PRR5: variants seen among roughly 807,000 people sequenced by gnomAD.
PRR5 encodes proline rich 5, also known as proline-rich protein 5.
Under a neutral mutation model 30.6 loss-of-function variants are expected in PRR5, and 25 were observed. The ratio of observed to expected loss-of-function variants is 0.82; its 90% CI spans 0.60 to 1.14. The LOEUF (loss-of-function observed/expected upper bound fraction) is 1.14, where lower values mean the gene tolerates loss of function less well. PRR5 is among the 50% of genes most tolerant of loss of function. PRR5 has a pLI of 0.00. For missense variants in PRR5, 600 were observed against 547.1 expected (o/e 1.10, Z -0.96); for synonymous variants, 286 against 247.1 (o/e 1.16, Z -1.48).
In PRR5 at chr22:44,732,265, G is replaced by A. The variant is rs137965452; in HGVS notation, c.429G>A (p.Ser143=). The change falls in exon 6 of 8, where the codon TCG becomes TCA. Residue 143 remains serine, a synonymous_variant. Transcript: ENST00000336985. ...IFYPVQGKEP[S]VRQLALLHFR... ...TCCGTCCACAGGGCAAGGAGCCATC[G>A]GTGCGCCAGCTGGCCCTGCTGCACT... The A allele has an allele frequency of 7.8e-4, 1,263 of 1,611,596 alleles. 2 individuals are homozygous for A. The highest frequency in any genetic ancestry group is 8.8e-4 in the Non-Finnish European group (1,033 of 1,179,894).
intron 4 of PRR5, chr22:44,729,760 G>A: frequency 1.0e-6 from 1 of 985,488 alleles, no homozygotes; most frequent in Non-Finnish European, 1.2e-6. Context: ...CTGGGGCCTG[G>A]ATTCTGTTTT....
At chr22:44,695,923 CTTTTTTT>C (rs79228617) in intron 1 of PRR5, among the ~76,000 whole-genome samples, 10 of 73,344 alleles carry the variant, frequency 1.4e-4, no homozygotes, top group Non-Finnish European at 1.9e-4. Flanking sequence ...ATTCTGACAA[CTTTTTTT>C]TTTTTTTTTT....
chr22:44,683,969 T>C (rs1294921624), intron 1 of PRR5, among the ~76,000 whole-genome samples: 1 of 152,246 alleles, frequency 6.6e-6, no homozygotes, highest in Non-Finnish European at 1.5e-5. Flanking sequence ...GCTGGGCCCC[T>C]CGCAGGGGTT....
intron 2 of PRR5, among the ~76,000 whole-genome samples, chr22:44,719,344 A>G (rs1929585111): frequency 1.3e-5 from 2 of 152,044 alleles, no homozygotes; most frequent in Admixed American, 1.3e-4. Flanking sequence ...CAGTGTTGGG[A>G]TTATAGGCGT....
chr22:44,690,763 C>G (rs1925169239), intron 1 of PRR5, among the ~76,000 whole-genome samples: 1 of 152,146 alleles, frequency 6.6e-6, no homozygotes, highest in African/African-American at 2.4e-5. Flanking sequence ...GGATGAGGAG[C>G]AGGGCACCCC....
intron 1 of PRR5, among the ~76,000 whole-genome samples, chr22:44,669,074 C>T (rs1390672755): frequency 6.7e-6 from 1 of 149,940 alleles, no homozygotes; most frequent in African/African-American, 2.4e-5. Context: ...CTCCCGGGAC[C>T]TCCCGAGCTC....
At chr22:44,734,895 C>A in intron 6 of PRR5, 132 bp from the exon 7 acceptor site, 2 of 1,303,820 alleles carry the variant, frequency 1.5e-6, no homozygotes, top group Admixed American at 2.0e-5. Context: ...GCCATGGGGA[C>A]AGAGAGCCTG....
At chr22:44,701,040 G>T (rs750999188), upstream of PRR5, among the ~76,000 whole-genome samples, 1 of 148,196 alleles carries the variant, frequency 6.7e-6, no homozygotes, top group Admixed American at 6.9e-5. Flanking sequence ...GCACCACCAC[G>T]CCCAGCTAAT....
intron 1 of PRR5, among the ~76,000 whole-genome samples, chr22:44,710,653 C>G (rs1430591948): frequency 6.6e-6 from 1 of 152,168 alleles, no homozygotes; most frequent in East Asian, 1.9e-4. Context: ...TACCAAACAC[C>G]CTTAGCCTAC....
At chr22:44,724,723 C>T (rs995954414) in intron 2 of PRR5, among the ~76,000 whole-genome samples, 1 of 152,168 alleles carries the variant, frequency 6.6e-6, no homozygotes, top group African/African-American at 2.4e-5. Flanking sequence ...TTGACCTCTG[C>T]GAGCCTCTCT....
At chr22:44,704,221 G>A (rs1601998746) in intron 1 of PRR5, among the ~76,000 whole-genome samples, 2 of 152,178 alleles carry the variant, frequency 1.3e-5, no homozygotes, top group Admixed American at 1.3e-4. Context: ...GGGTGTCCCT[G>A]TAGGGATGGC....
chr22:44,701,786 A>G (rs1447701862), upstream of PRR5, among the ~76,000 whole-genome samples: 1 of 152,066 alleles, frequency 6.6e-6, no homozygotes, highest in Non-Finnish European at 1.5e-5. Context: ...TCCTCATGAG[A>G]ACTGGGTGGG....
At chr22:44,680,702 T>C (rs1924196308) in intron 1 of PRR5, among the ~76,000 whole-genome samples, 1 of 151,394 alleles carries the variant, frequency 6.6e-6, no homozygotes, top group African/African-American at 2.4e-5. Flanking sequence ...GTTGGGAGAG[T>C]AGGGGACGGA....
chr22:44,684,518 G>A (rs556003066), intron 1 of PRR5, among the ~76,000 whole-genome samples: 2 of 152,360 alleles, frequency 1.3e-5, no homozygotes, highest in Admixed American at 6.5e-5. Flanking sequence ...TTGTACTCCA[G>A]CCTGGGCAAC....
At chr22:44,723,929 T>C (rs1328821798) in intron 2 of PRR5, among the ~76,000 whole-genome samples, 1 of 152,214 alleles carries the variant, frequency 6.6e-6, no homozygotes, top group East Asian at 1.9e-4. Flanking sequence ...TGTCTGTGCA[T>C]GAACTGCTGA....
intron 2 of PRR5, among the ~76,000 whole-genome samples, chr22:44,716,699 A>G (rs1438049864): frequency 1.3e-5 from 2 of 152,206 alleles, no homozygotes; most frequent in African/African-American, 2.4e-5. Context: ...AGCCCCTGAC[A>G]TCAGGGCCAC....
At chr22:44,733,726 C>T (rs948840419) in intron 6 of PRR5, among the ~76,000 whole-genome samples, 6 of 152,156 alleles carry the variant, frequency 3.9e-5, no homozygotes, top group Admixed American at 3.3e-4. Context: ...TCCAGGGACA[C>T]GTGGGGTCCC....
intron 7 of PRR5, among the ~76,000 whole-genome samples, chr22:44,735,701 G>A (rs1203278168): frequency 6.6e-5 from 10 of 152,152 alleles, no homozygotes; most frequent in South Asian, 2.1e-4. Context: ...TTCCCCTCCC[G>A]CGGGGGAGGC....
In PRR5 at chr22:44,702,430, CGGCGTG is replaced by C; in HGVS notation, c.-42_-37del. Reference sequence around the variant, plus strand: ...CCTTGGTGCGGCGTGGCGCAGGGCGCGGCGTGGGGCGCGCGTGGGCGCGGCGCAGGC... The same window carrying C: ...CCTTGGTGCGGCGTGGCGCAGGGCGCGGGCGCGCGTGGGCGCGGCGCAGGC... On this transcript the variant is annotated 5_prime_UTR_variant, in exon 1 of 8. Coordinates refer to ENST00000336985, the MANE Select transcript of PRR5 (RefSeq NM_181333.4). 2.4e-6 allele frequency: 3 copies of C among 1,272,868 alleles called. No individual in the cohort carries two copies. Among genetic ancestry groups the C allele is most frequent in the Non-Finnish European group, 3.0e-6 (3 of 1,007,856 alleles). The allele number at this position is 1,272,868 out of a possible 1,614,324, so 78.8% of individuals were successfully genotyped here. A position where few individuals can be genotyped will look rare whatever the true frequency, so the allele number is the denominator to read the frequency against.
Sources: gnomAD v4.1 joint callset for allele counts (sites outside exome capture counted in the v4.1 genomes callset) on GRCh38, gnomAD v4.1.1 for gene constraint, MANE v1.5 for transcripts, NCBI Gene and HGNC (gene_info 2026-07-23, HGNC 2026-07-21) for gene names.